The following DCAF10 variants were observed in gnomAD, a reference collection of about 807,000 sequenced individuals.
DCAF10 encodes the protein DDB1 and CUL4 associated factor 10.
In DCAF10, 19 loss-of-function variants were observed where a neutral mutation model predicts 51.9. That is an observed-to-expected ratio of 0.37 (90% CI 0.26 to 0.54). The LOEUF is 0.54. DCAF10 is among the 20% of genes least tolerant of loss of function. The probability of loss-of-function intolerance (pLI) is 0.87; values close to 1 mark genes in which losing one functional copy is unlikely to be tolerated. For synonymous variants in DCAF10, 291 were observed against 297.1 expected (o/e 0.98, Z 0.21); for missense variants, 510 against 730.6 (o/e 0.70, Z 3.48).
At chr9:37,827,923 T>G (rs1829899288) in intron 2 of DCAF10, among the ~76,000 whole-genome samples, 1 of 152,120 alleles carries the variant, frequency 6.6e-6, no homozygotes, top group Non-Finnish European at 1.5e-5. Context: ...CTCCCTCTAT[T>G]TTAGAGACAG....
At chr9:37,823,283 TTAAA>T (rs1311298760) in intron 2 of DCAF10, among the ~76,000 whole-genome samples, 7 of 152,132 alleles carry the variant, frequency 4.6e-5, no homozygotes, top group Non-Finnish European at 1.5e-5. Flanking sequence ...TGTTTGCAGT[TTAAA>T]TAAAGATAAA....
chr9:37,858,205 G>T (rs557143510), intron 5 of DCAF10, among the ~76,000 whole-genome samples: 81 of 152,290 alleles, frequency 5.3e-4, no homozygotes, highest in African/African-American at 1.9e-3. Flanking sequence ...AATGGTTTAA[G>T]AGCTCTTTCT....
rs145378146 is a variant in DCAF10 at position 37,855,133 on chromosome 9, T to C, written c.1054+151T>C. 5.1e-4 allele frequency: 343 copies of C among 673,864 alleles called. 1 individual carries two copies. The African/African-American group carries it at 5.2e-3, about 10-fold the overall frequency. 41.7% of individuals were successfully genotyped at this position (673,864 alleles called of 1,614,324 possible). On this transcript the variant is annotated intron_variant, in intron 4 of 6. Transcript: ENST00000377724. Reference sequence around the variant, plus strand: ...GAAAGCTCATTGATGGGTTTTTATCTAAGCAAGTATAATGATTTGTATGTA... The same window carrying C: ...GAAAGCTCATTGATGGGTTTTTATCCAAGCAAGTATAATGATTTGTATGTA...
rs548333636 is a variant in DCAF10, at chr9:37,847,310, A to C, written c.851+5024A>C. 2.3e-4 allele frequency among the ~76,000 whole-genome samples: 35 copies of C among 151,658 alleles called. No individual in the cohort carries two copies. The South Asian group carries it at 5.6e-3, about 24-fold the overall frequency. On this transcript the variant is annotated intron_variant, in intron 3 of 6. Coordinates refer to ENST00000377724, the MANE Select transcript of DCAF10 (RefSeq NM_024345.5). ...AACCACAAATATTCCTAAAAAAAAA[A>C]AGGATGGAAAAATCCTCAACAAAAT... is the stretch of plus-strand genomic sequence containing the variant.
At chr9:37,833,624 C>G (rs1348558469) in intron 2 of DCAF10, among the ~76,000 whole-genome samples, 1 of 151,988 alleles carries the variant, frequency 6.6e-6, no homozygotes, top group East Asian at 1.9e-4. Flanking sequence ...GTCAGCTTAC[C>G]CATAGCTGTT....
intron 2 of DCAF10, among the ~76,000 whole-genome samples, chr9:37,834,505 A>G (rs1830095084): frequency 6.6e-6 from 1 of 152,126 alleles, no homozygotes; most frequent in Non-Finnish European, 1.5e-5. Flanking sequence ...TTTTTTATGA[A>G]AGTCCAACAG....
chr9:37,861,499 A>G lies in DCAF10; in HGVS notation c.1671A>G (p.Pro557=). Reference sequence around the variant, plus strand: ...GTGGACGGGTTTCTTTGTATCAGCCAAAGTTTTAGGCACAACTTACATCAA... The same window carrying G: ...GTGGACGGGTTTCTTTGTATCAGCCGAAGTTTTAGGCACAACTTACATCAA... The part of the protein sequence containing the change: ...CLSGRVSLYQ[P]KF The change falls in exon 7 of 7, where the codon CCA becomes CCG. Residue 557 remains proline (P), a synonymous_variant. Coordinates refer to ENST00000377724, the MANE Select transcript of DCAF10 (RefSeq NM_024345.5). The surrounding 1 kb of genome is among the most constrained non-coding windows in gnomAD (Gnocchi z 4.9). 6.2e-7 allele frequency: 1 copy of G among 1,606,674 alleles called. No individual in the cohort carries two copies. Among genetic ancestry groups the G allele is most frequent in the Non-Finnish European group, 8.5e-7 (1 of 1,173,774 alleles).
At position 37,861,173 on chromosome 9, in the gene DCAF10, C is replaced by T; in HGVS notation, c.1345C>T (p.Pro449Ser). The T allele has an allele frequency of 6.2e-7, 1 of 1,604,986 alleles. No individual in the cohort carries two copies. Among genetic ancestry groups the T allele is most frequent in the East Asian group, 2.2e-5 (1 of 44,638 alleles). Residue 449 changes from proline (P) to serine (S), a missense_variant, in exon 7 of 7, where the codon CCA becomes TCA. Pro to Ser is a moderately conservative substitution (Grantham distance 74, BLOSUM62 -1). This residue lies in a region of DCAF10 where 104 missense variants were observed against 206.2 expected (regional missense o/e 0.50). Coordinates refer to ENST00000377724, the MANE Select transcript of DCAF10 (RefSeq NM_024345.5). The surrounding 1 kb of genome is among the most constrained non-coding windows in gnomAD (Gnocchi z 4.9). Reference protein sequence around the residue: ...TCVYEFQEGAPVRPVSPRCSL... With the variant: ...TCVYEFQEGASVRPVSPRCSL... ...TGTCTATGAATTCCAAGAAGGAGCTCCAGTGCGACCTGTCTCACCTCGCTG... is the reference window on the plus strand; with the variant it reads ...TGTCTATGAATTCCAAGAAGGAGCTTCAGTGCGACCTGTCTCACCTCGCTG...
At chr9:37,828,076 CA>C (rs1170939657) in intron 2 of DCAF10, among the ~76,000 whole-genome samples, 1 of 152,066 alleles carries the variant, frequency 6.6e-6, no homozygotes, top group Non-Finnish European at 1.5e-5. Context: ...TTTGTAGAGA[CA>C]GGGTCTTGCT....
At chr9:37,802,439 A>G (rs1258497915) in intron 1 of DCAF10, among the ~76,000 whole-genome samples, 1 of 152,248 alleles carries the variant, frequency 6.6e-6, no homozygotes, top group Non-Finnish European at 1.5e-5. Context: ...ATGAGTACGA[A>G]ATAAATTAGT....
chr9:37,850,932 T>C (rs1230533963), intron 3 of DCAF10, among the ~76,000 whole-genome samples: 1 of 143,584 alleles, frequency 7.0e-6, no homozygotes, highest in East Asian at 2.2e-4. Flanking sequence ...TCAAATATCA[T>C]GTACACCATT....
intron 1 of DCAF10, among the ~76,000 whole-genome samples, chr9:37,814,127 T>TATATATATATATA (rs1554685262): frequency 2.3e-4 from 23 of 100,646 alleles, no homozygotes; most frequent in Non-Finnish European, 3.2e-4. Context: ...TATATATATA[T>TATATATATATATA]TTGTTGTTGT....
intron 2 of DCAF10, among the ~76,000 whole-genome samples, chr9:37,833,145 G>A (rs1350829967): frequency 1.3e-5 from 2 of 152,176 alleles, no homozygotes; most frequent in Non-Finnish European, 2.9e-5. Flanking sequence ...GGCGTGAGCT[G>A]AAATGACCTT....
At chr9:37,805,664 A>G (rs1829092522) in intron 1 of DCAF10, among the ~76,000 whole-genome samples, 1 of 152,218 alleles carries the variant, frequency 6.6e-6, no homozygotes, top group South Asian at 2.1e-4. Context: ...AAAAAATTCC[A>G]AAAGAAGGCA....
chr9:37,862,681 C>G lies in DCAF10; in HGVS notation c.*1173C>G, dbSNP rs1248053270. On this transcript the variant is annotated 3_prime_UTR_variant, in exon 7 of 7. Transcript: ENST00000377724. ...AAACACGCAAGCATAAAGCAGGACTCAAGCACAAGGCTGACTGTTCTACTT... is the reference window on the plus strand; with the variant it reads ...AAACACGCAAGCATAAAGCAGGACTGAAGCACAAGGCTGACTGTTCTACTT... 6.6e-6 allele frequency: 1 copy of G among 152,230 alleles called. No homozygotes were observed. The highest frequency in any genetic ancestry group is 1.5e-5 in the Non-Finnish European group (1 of 68,044). 9.4% of individuals were successfully genotyped at this position (152,230 alleles called of 1,614,324 possible).
intron 3 of DCAF10, among the ~76,000 whole-genome samples, chr9:37,846,278 A>G (rs1046208251): frequency 6.6e-6 from 1 of 152,172 alleles, no homozygotes; most frequent in Admixed American, 6.5e-5. Context: ...GAGGAATAAG[A>G]TTCAACATTT....
Position 37,832,247 on chromosome 9 carries a change from C to T in DCAF10, c.654-9842C>T, listed in dbSNP as rs1285798625. On this transcript the variant is annotated intron_variant, in intron 2 of 6. Transcript: ENST00000377724. ...CCGAGGTGGGCGGACCACCTGAGGTCAGGAGTTCAAGACCATCCTGGCCAA... is the reference window on the plus strand; with the variant it reads ...CCGAGGTGGGCGGACCACCTGAGGTTAGGAGTTCAAGACCATCCTGGCCAA... 43 of 151,690 alleles carry T rather than the reference C, an allele frequency of 2.8e-4. 1 individual carries two copies. In the Admixed American group the frequency reaches 2.8e-3, roughly 10 times the overall value. 9.4% of individuals were successfully genotyped at this position (151,690 alleles called of 1,614,324 possible).
intron 2 of DCAF10, among the ~76,000 whole-genome samples, chr9:37,819,879 T>C (rs1829651988): frequency 6.6e-6 from 1 of 152,200 alleles, no homozygotes; most frequent in African/African-American, 2.4e-5. Context: ...TGAATTATAA[T>C]TGAGTAGTTT....
At chr9:37,816,242 T>C (rs1007595864) in intron 1 of DCAF10, among the ~76,000 whole-genome samples, 7 of 152,214 alleles carry the variant, frequency 4.6e-5, no homozygotes, top group Non-Finnish European at 8.8e-5. Flanking sequence ...TAAATGGAGA[T>C]AGATTATGTT....
Sources: allele counts gnomAD v4.1 joint callset (sites outside exome capture counted in the v4.1 genomes callset), GRCh38; gene constraint gnomAD v4.1.1; regional missense constraint gnomAD v4.1.1; non-coding constraint Gnocchi (gnomAD v3.1); transcripts MANE v1.5; gene names NCBI Gene and HGNC (gene_info 2026-07-23, HGNC 2026-07-21).